The following RERE variants were observed in gnomAD, a reference collection of about 807,000 sequenced individuals.
The protein encoded by RERE is arginine-glutamic acid dipeptide repeats protein.
Under a neutral mutation model 146.1 loss-of-function variants are expected in RERE, and 40 were observed. The ratio of observed to expected loss-of-function variants is 0.27; its 90% CI spans 0.21 to 0.36. The LOEUF is 0.36. RERE is among the 10% of genes least tolerant of loss of function. The pLI, the probability that RERE is intolerant of heterozygous loss-of-function variation, is 1.00. For missense variants in RERE, 1,933 were observed against 2,138.7 expected (o/e 0.90, Z 1.90); for synonymous variants, 1,003 against 866.0 (o/e 1.16, Z -2.78).
At chr1:8,643,541 T>C (rs996680065) in intron 2 of RERE, among the ~76,000 whole-genome samples, 6 of 152,236 alleles carry the variant, frequency 3.9e-5, no homozygotes, top group Non-Finnish European at 8.8e-5. Flanking sequence ...TATGCAACTC[T>C]GAAATCAGAT....
At position 8,360,242 on chromosome 1, in the gene RERE, G is replaced by A. The variant is rs1259871272; in HGVS notation, c.3265C>T (p.Pro1089Ser). The A allele has an allele frequency of 1.9e-6, 3 of 1,580,958 alleles. No individual in the cohort carries two copies. The highest frequency in any genetic ancestry group is 1.8e-5 in the Admixed American group (1 of 56,298). ...GCCTCCTCCTTGATCTGGACGGTGG[G>A]GAGTGGGCAGGACGACCCCCCCGCT... ...SIAGGSSCPL[P>S]TVQIKEEALD... Residue 1089 changes from proline (P) to serine (S), a missense_variant, in exon 18 of 23, where the codon CCC becomes TCC. Pro to Ser is a moderately conservative substitution (Grantham distance 74). This residue lies in a region of RERE where 1,255 missense variants were observed against 1,153.8 expected (regional missense o/e 1.09). Coordinates refer to ENST00000400908, the MANE Select transcript of RERE (RefSeq NM_001042681.2).
chr1:8,359,991 G>A lies in RERE; in HGVS notation c.3396-5C>T. 1 of 1,612,004 alleles carries A rather than the reference G, an allele frequency of 6.2e-7. No individual in the cohort carries two copies. Among genetic ancestry groups the A allele is most frequent in the Non-Finnish European group, 8.5e-7 (1 of 1,179,548 alleles). ...CGGTCCAGGTGTTTGTAGAACCTGAGAAAAGCCACAGATCTTGCTGGGAGC... is the reference window on the plus strand; with the variant it reads ...CGGTCCAGGTGTTTGTAGAACCTGAAAAAAGCCACAGATCTTGCTGGGAGC... On this transcript the variant is annotated splice_region_variant and splice_polypyrimidine_tract_variant and intron_variant, in intron 18 of 22. Transcript: ENST00000400908.
intron 11 of RERE, among the ~76,000 whole-genome samples, chr1:8,432,395 A>T (rs562944842): frequency 2.6e-5 from 4 of 152,166 alleles, no homozygotes; most frequent in African/African-American, 9.6e-5. Flanking sequence ...ACACTGTGCA[A>T]AGAGCACAGC....
intron 1 of RERE, among the ~76,000 whole-genome samples, chr1:8,812,386 C>A (rs1018812497): frequency 1.3e-5 from 2 of 152,316 alleles, no homozygotes; most frequent in East Asian, 3.9e-4. Context: ...GTGGCTCACG[C>A]CTGTAATCCC....
In RERE at chr1:8,603,938, C is replaced by CAAA. The variant is rs61119278; in HGVS notation, c.522+10620_522+10622dup. On this transcript the variant is annotated intron_variant, in intron 4 of 22. Coordinates refer to ENST00000400908, the MANE Select transcript of RERE (RefSeq NM_001042681.2). ...TGGGTGACAAAGCGAGACCCTGTCT[C>CAAA]AAAAAAAAAAAAAGAAAAGAAAAAA... 2.2e-4 allele frequency among the ~76,000 whole-genome samples: 27 copies of CAAA among 124,918 alleles called. 6 individuals are homozygous for CAAA. The highest frequency in any genetic ancestry group is 3.3e-4 in the Admixed American group (4 of 12,096). 82.0% of individuals were successfully genotyped at this position (124,918 alleles called of 152,430 possible).
chr1:8,765,357 T>A (rs940214504), intron 1 of RERE, among the ~76,000 whole-genome samples: 2 of 152,040 alleles, frequency 1.3e-5, no homozygotes, highest in African/African-American at 4.8e-5. Flanking sequence ...GAGGAGGAAA[T>A]GAGGAGTAAC....
chr1:8,501,360 C>T (rs1392443433), intron 8 of RERE, among the ~76,000 whole-genome samples: 26 of 92,146 alleles, frequency 2.8e-4, no homozygotes, highest in African/African-American at 5.5e-4. Flanking sequence ...CCCGGCCAGC[C>T]GCCCAGTCCG....
intron 1 of RERE, among the ~76,000 whole-genome samples, chr1:8,693,799 C>T (rs1269381345): frequency 6.6e-6 from 1 of 151,956 alleles, no homozygotes; most frequent in Admixed American, 6.6e-5. Context: ...ATGTACCAAA[C>T]TAATTCAAGA....
intron 2 of RERE, among the ~76,000 whole-genome samples, chr1:8,647,240 C>T (rs1279840666): frequency 6.6e-6 from 1 of 152,126 alleles, no homozygotes; most frequent in African/African-American, 2.4e-5. Flanking sequence ...TGTGTTTCCT[C>T]CCAAATAAGA....
Position 8,777,966 on chromosome 1 carries a change from G to A in RERE, c.-145+39194C>T, listed in dbSNP as rs550591861. On this transcript the variant is annotated intron_variant, in intron 1 of 22. Transcript: ENST00000400908. ...GTTGTATTACTAATAGTGATACCCT[G>A]CACAAATTAATTCTCTGAATCTCCA... Among the ~76,000 whole-genome samples the A allele has an allele frequency of 1.1e-4, 16 of 150,938 alleles. No individual in the cohort carries two copies. The South Asian group carries it at 3.4e-3, about 32-fold the overall frequency.
At chr1:8,368,967 A>C (rs1570064960) in intron 12 of RERE, among the ~76,000 whole-genome samples, 1 of 152,166 alleles carries the variant, frequency 6.6e-6, no homozygotes, top group East Asian at 1.9e-4. Flanking sequence ...TGGGAGATCA[A>C]GGCAGGAGGA....
At chr1:8,712,433 C>T (rs866813724) in intron 1 of RERE, among the ~76,000 whole-genome samples, 1 of 152,184 alleles carries the variant, frequency 6.6e-6, no homozygotes, top group Non-Finnish European at 1.5e-5. Context: ...ATCTTCAGAG[C>T]AAGCTGACTC....
chr1:8,393,421 G>A (rs1469283065), intron 12 of RERE, among the ~76,000 whole-genome samples: 1 of 152,114 alleles, frequency 6.6e-6, no homozygotes, highest in African/African-American at 2.4e-5. Flanking sequence ...ACCGTAGCAT[G>A]ACAAAGAGCA....
chr1:8,359,643 A>AC (rs1322968095), intron 19 of RERE, 121 bp downstream of exon 19: 73 of 1,115,168 alleles, frequency 6.5e-5, no homozygotes, highest in Non-Finnish European at 9.3e-5. Context: ...ATAGCACCCA[A>AC]CCCTCTAGCT....
At chr1:8,571,712 C>T (rs148652830) in intron 4 of RERE, among the ~76,000 whole-genome samples, 57 of 152,286 alleles carry the variant, frequency 3.7e-4, no homozygotes, top group African/African-American at 1.3e-3. Flanking sequence ...CATCTACAAA[C>T]ATTTTTCTAA....
chr1:8,580,266 G>T (rs1397903056), intron 4 of RERE, among the ~76,000 whole-genome samples: 2 of 152,074 alleles, frequency 1.3e-5, no homozygotes, highest in African/African-American at 4.8e-5. Flanking sequence ...AATATCTAGA[G>T]AAAATTCATG....
At chr1:8,355,957 C>T in intron 21 of RERE, 143 bp downstream of exon 21, 1 of 862,894 alleles carries the variant, frequency 1.2e-6, no homozygotes, top group Non-Finnish European at 1.7e-6. Context: ...GCTTGTTCCC[C>T]CACGGACCCC....
At chr1:8,537,035 T>C (rs2124381922) in intron 7 of RERE, among the ~76,000 whole-genome samples, 1 of 152,074 alleles carries the variant, frequency 6.6e-6, no homozygotes, top group South Asian at 2.1e-4. Flanking sequence ...AGACCTCAAC[T>C]AGACAAAAAA....
intron 1 of RERE, among the ~76,000 whole-genome samples, chr1:8,667,189 A>G (rs969133349): frequency 3.9e-5 from 6 of 152,204 alleles, no homozygotes; most frequent in African/African-American, 1.4e-4. Context: ...CATACTAATA[A>G]CAAAACACAA....
Sources: gnomAD v4.1 joint callset for allele counts (sites outside exome capture counted in the v4.1 genomes callset) on GRCh38, gnomAD v4.1.1 for gene constraint, gnomAD v4.1.1 regional missense constraint, MANE v1.5 for transcripts, NCBI Gene and HGNC (gene_info 2026-07-23, HGNC 2026-07-21) for gene names.